ZEB2: variants seen among roughly 807,000 people sequenced by gnomAD.
The protein encoded by ZEB2 is zinc finger E-box binding homeobox 2.
Under a neutral mutation model 99.9 loss-of-function variants are expected in ZEB2, and 6 were observed. The ratio of observed to expected loss-of-function variants is 0.06; its 90% CI spans 0.03 to 0.12. The LOEUF (loss-of-function observed/expected upper bound fraction) is 0.12. ZEB2 is among the 10% of genes least tolerant of loss of function. The probability of loss-of-function intolerance (pLI) is 1.00; values close to 1 mark genes in which losing one functional copy is unlikely to be tolerated. For synonymous variants in ZEB2, 517 were observed against 542.5 expected (o/e 0.95, Z 0.65); for missense variants, 969 against 1,502.8 (o/e 0.64, Z 5.87).
At chr2:144,439,394 C>T (rs141443098) in intron 2 of ZEB2, among the ~76,000 whole-genome samples, 136 of 152,310 alleles carry the variant, frequency 8.9e-4, no homozygotes, top group Non-Finnish European at 1.7e-3. Context: ...CCTGGTGCGT[C>T]CTCTCAGCCT....
At chr2:144,430,760 G>A (rs1703759593) in intron 2 of ZEB2, 1 of 154,384 alleles carries the variant, frequency 6.5e-6, no homozygotes, top group Middle Eastern at 1.1e-3. Context: ...CCGGCGGGCT[G>A]CTTTTGCAGC....
At chr2:144,517,235 C>A in intron 2 of ZEB2, 43 bp downstream of exon 2, 1 of 1,611,716 alleles carries the variant, frequency 6.2e-7, no homozygotes, top group African/African-American at 1.3e-5. Flanking sequence ...GGGTCTCGAG[C>A]CGCGTAGTGG....
Position 144,388,812 on chromosome 2 carries a change from C to T in ZEB2, c.*639G>A. 2.3e-6 allele frequency: 1 copy of T among 436,018 alleles called. No individual in the cohort carries two copies. The highest frequency in any genetic ancestry group is 1.7e-5 in the South Asian group (1 of 57,940). 27.0% of individuals were successfully genotyped at this position (436,018 alleles called of 1,614,324 possible). A position where few individuals can be genotyped will look rare whatever the true frequency, so the allele number is the denominator to read the frequency against. ...AAGGCTTTCTTTATTTCTCATCTTA[C>T]TTTTTCCTTCACGTCCAGGTCACTT... On this transcript the variant is annotated 3_prime_UTR_variant, in exon 10 of 10. Transcript: ENST00000627532. The surrounding 1 kb of genome is among the most constrained non-coding windows in gnomAD (Gnocchi z 5.4).
At chr2:144,415,373 T>G (rs1703526081) in intron 4 of ZEB2, among the ~76,000 whole-genome samples, 1 of 152,196 alleles carries the variant, frequency 6.6e-6, no homozygotes, top group African/African-American at 2.4e-5. Context: ...AAACAAGAAA[T>G]GCCTCAAGCT....
intron 4 of ZEB2, among the ~76,000 whole-genome samples, chr2:144,422,765 A>C (rs928278690): frequency 5.3e-5 from 8 of 152,310 alleles, no homozygotes; most frequent in Middle Eastern, 6.8e-3. Flanking sequence ...GCACCACTGC[A>C]CTCCAGCCTG....
intron 9 of ZEB2, 29 bp from the exon 10 acceptor site, chr2:144,390,057 A>G (rs777207355): frequency 1.1e-5 from 18 of 1,596,858 alleles, no homozygotes; most frequent in Non-Finnish European, 1.4e-5. Flanking sequence ...TGACAGGGTG[A>G]TTAGTGTCTT....
At chr2:144,469,568 G>A (rs1704326956) in intron 2 of ZEB2, among the ~76,000 whole-genome samples, 1 of 152,068 alleles carries the variant, frequency 6.6e-6, no homozygotes, top group Non-Finnish European at 1.5e-5. Flanking sequence ...AGAGTTCAGA[G>A]ACAAAGGCAG....
chr2:144,505,074 CA>C (rs1483445985), intron 2 of ZEB2, among the ~76,000 whole-genome samples: 3 of 149,832 alleles, frequency 2.0e-5, no homozygotes, highest in African/African-American at 7.4e-5. Context: ...CATTTAATGT[CA>C]GGGGGAAAAA....
chr2:144,400,316 A>C, intron 7 of ZEB2, 46 bp from the exon 8 acceptor site: 1 of 1,584,838 alleles, frequency 6.3e-7, no homozygotes, highest in Admixed American at 1.7e-5. Context: ...TGATTAGATA[A>C]CAATTGCAAT....
chr2:144,495,232 T>C (rs753843646), intron 2 of ZEB2: 1 of 152,194 alleles, frequency 6.6e-6, no homozygotes, highest in Non-Finnish European at 1.5e-5. Context: ...CTTGAAACAA[T>C]TGAGAAATGA....
rs112348937 is a variant in ZEB2, at chr2:144,508,620, C to T, written c.73+8658G>A. On this transcript the variant is annotated intron_variant, in intron 2 of 9. Coordinates refer to ENST00000627532, the MANE Select transcript of ZEB2 (RefSeq NM_014795.4). ...ATTAACTCCTTCCTCATAAATGCCT[C>T]TCTGCTTGCTTTGGAAAGTCTCAAG... 2.6e-3 allele frequency among the ~76,000 whole-genome samples: 395 copies of T among 151,910 alleles called. 3 individuals carry two copies. The highest frequency in any genetic ancestry group is 9.2e-3 in the African/African-American group (381 of 41,430).
At position 144,399,492 on chromosome 2, in the gene ZEB2, C is replaced by T; in HGVS notation, c.1695G>A (p.Leu565=). 6.2e-7 allele frequency: 1 copy of T among 1,614,036 alleles called. No homozygotes were observed. The highest frequency in any genetic ancestry group is 8.5e-7 in the Non-Finnish European group (1 of 1,179,980). The part of the protein sequence containing the change: ...KKEKLRTLID[L]VTDDKMIENH... ...TCTCAATCATTTTGTCATCAGTGAC[C>T]AAATCTATTAAAGTACGTAGCTTCT... is the stretch of plus-strand genomic sequence containing the variant. The change falls in exon 8 of 10, where the codon TTG becomes TTA. Residue 565 remains leucine (L), a synonymous_variant. Coordinates refer to ENST00000627532, the MANE Select transcript of ZEB2 (RefSeq NM_014795.4). The surrounding 1 kb of genome is among the most constrained non-coding windows in gnomAD (Gnocchi z 5.6).
intron 2 of ZEB2, among the ~76,000 whole-genome samples, chr2:144,445,957 T>A (rs1023137230): frequency 9.2e-5 from 14 of 152,216 alleles, no homozygotes; most frequent in African/African-American, 3.4e-4. Flanking sequence ...ATCCATACTT[T>A]GGCTTTTCAG....
At chr2:144,488,170 T>C (rs1052347268) in intron 2 of ZEB2, among the ~76,000 whole-genome samples, 4 of 152,228 alleles carry the variant, frequency 2.6e-5, no homozygotes. Context: ...CAGCACATTT[T>C]TCACTGTGTT....
intron 2 of ZEB2, chr2:144,430,774 C>T (rs1243267253): frequency 6.5e-6 from 1 of 153,654 alleles, no homozygotes; most frequent in Non-Finnish European, 1.5e-5. Context: ...TTGCAGCCCT[C>T]AGTCCCAGCA....
intron 2 of ZEB2, among the ~76,000 whole-genome samples, chr2:144,459,296 A>G (rs988792076): frequency 2.6e-5 from 4 of 152,158 alleles, no homozygotes; most frequent in Non-Finnish European, 5.9e-5. Flanking sequence ...TGAAAATGGA[A>G]CAAAATGTCA....
chr2:144,405,297 G>T (rs1703371805), intron 4 of ZEB2: 1 of 391,340 alleles, frequency 2.6e-6, no homozygotes, highest in Non-Finnish European at 4.6e-6. Flanking sequence ...AAGAATGAAA[G>T]AAATTTAAAA....
intron 2 of ZEB2, 124 bp from the exon 3 acceptor site, chr2:144,430,150 G>T: frequency 2.2e-6 from 3 of 1,360,056 alleles, no homozygotes; most frequent in Non-Finnish European, 3.1e-6. Context: ...ACCATGTCAG[G>T]AAAATATAAT....
chr2:144,482,904 T>C (rs1704535007), intron 2 of ZEB2, among the ~76,000 whole-genome samples: 1 of 152,200 alleles, frequency 6.6e-6, no homozygotes, highest in Non-Finnish European at 1.5e-5. Context: ...CCTTGCACTA[T>C]GCTTCCATGG....
Sources: allele counts gnomAD v4.1 joint callset (sites outside exome capture counted in the v4.1 genomes callset), GRCh38; gene constraint gnomAD v4.1.1; non-coding constraint Gnocchi (gnomAD v3.1); transcripts MANE v1.5; gene names NCBI Gene and HGNC (gene_info 2026-07-23, HGNC 2026-07-21).